The following CUBN variants were observed in gnomAD, a reference collection of about 807,000 sequenced individuals.
CUBN encodes the protein cubilin.
Under a neutral mutation model 405.3 loss-of-function variants are expected in CUBN, and 282 were observed. The observed-to-expected ratio is 0.70, with a 90% CI of 0.63 to 0.77. The LOEUF is 0.77. Among genes scored for constraint, CUBN ranks in the 30% least tolerant of loss-of-function variants. The pLI is 0.00. For synonymous variants in CUBN, 1,684 were observed against 1,617.0 expected (o/e 1.04, Z -0.99); for missense variants, 4,514 against 4,475.2 (o/e 1.01, Z -0.25).
chr10:17,109,844 C>A, intron 9 of CUBN, 109 bp from the exon 10 acceptor site: 1 of 792,602 alleles, frequency 1.3e-6, no homozygotes, highest in South Asian at 1.4e-5. Flanking sequence ...GATCCTCTAT[C>A]ATCGAAACAA....
chr10:17,111,849 G>C (rs529712397), intron 8 of CUBN, among the ~76,000 whole-genome samples: 1 of 152,208 alleles, frequency 6.6e-6, no homozygotes, highest in Non-Finnish European at 1.5e-5. Context: ...CCTCAAACCC[G>C]GGAGGTGGAG....
chr10:16,874,097 C>T (rs1420364200), intron 58 of CUBN, among the ~76,000 whole-genome samples: 2 of 152,180 alleles, frequency 1.3e-5, no homozygotes, highest in African/African-American at 4.8e-5. Flanking sequence ...TATACCTTGA[C>T]AATCCATGTT....
At chr10:17,098,472 AT>A (rs1356578175) in intron 14 of CUBN, among the ~76,000 whole-genome samples, 1 of 152,242 alleles carries the variant, frequency 6.6e-6, no homozygotes, top group African/African-American at 2.4e-5. Context: ...CTAACATCAT[AT>A]TCAACAATGA....
At chr10:16,831,086 CA>C (rs971747478) in intron 65 of CUBN, among the ~76,000 whole-genome samples, 165 bp downstream of exon 65, 122 of 141,264 alleles carry the variant, frequency 8.6e-4, no homozygotes, top group Middle Eastern at 3.5e-3. Context: ...GATTCCATTT[CA>C]AAAAAAAAAA....
chr10:16,869,722 C>G lies in CUBN; in HGVS notation c.9368G>C (p.Ser3123Thr). Residue 3123 changes from serine to threonine, a missense_variant, in exon 59 of 67, where the codon AGC becomes ACC. Physicochemically the swap from Ser to Thr is moderately conservative, Grantham distance 58. This residue lies in a region of CUBN where 1,186 missense variants were observed against 1,186.9 expected (regional missense o/e 1.00). Transcript: ENST00000377833. ...CGSKRPPNVK[S>T]SNNSMLLVFK... ...CACCAGGAGCATACTATTATTGCTG[C>G]TCTTCACATTTGGTGGGCGCTTGGA... The G allele has an allele frequency of 2.5e-6, 4 of 1,614,106 alleles. No individual in the cohort carries two copies. The highest frequency in any genetic ancestry group is 3.4e-6 in the Non-Finnish European group (4 of 1,179,980).
chr10:16,927,930 G>A (rs992547921), intron 41 of CUBN, among the ~76,000 whole-genome samples: 23 of 152,160 alleles, frequency 1.5e-4, no homozygotes, highest in African/African-American at 4.8e-4. Flanking sequence ...TGCCACACCA[G>A]AGACCTGAAG....
Position 17,054,629 on chromosome 10 carries a change from G to A in CUBN, c.3140-7026C>T, listed in dbSNP as rs115952665. 6.6e-3 allele frequency among the ~76,000 whole-genome samples: 997 copies of A among 152,012 alleles called. 11 individuals carry two copies. Among genetic ancestry groups the A allele is most frequent in the African/African-American group, 0.023 (956 of 41,520 alleles). ...ACAAATTACCATTTTCAGGAATGAA[G>A]AGGGGATGTCACTATAGAATCTTCA... On this transcript the variant is annotated intron_variant, in intron 22 of 66. Transcript: ENST00000377833.
At chr10:16,993,310 C>G (rs1833645420) in intron 28 of CUBN, among the ~76,000 whole-genome samples, 1 of 152,196 alleles carries the variant, frequency 6.6e-6, no homozygotes, top group Non-Finnish European at 1.5e-5. Flanking sequence ...CGTTCATCAG[C>G]CAATCTGATT....
chr10:16,868,268 A>G (rs1048300650), intron 59 of CUBN, among the ~76,000 whole-genome samples: 15 of 152,216 alleles, frequency 9.9e-5, no homozygotes, highest in Non-Finnish European at 2.1e-4. Context: ...CCTTCAAAAC[A>G]CAATGTCTAA....
At chr10:17,119,645 C>G (rs1836990042) in intron 6 of CUBN, among the ~76,000 whole-genome samples, 1 of 152,042 alleles carries the variant, frequency 6.6e-6, no homozygotes, top group Admixed American at 6.6e-5. Context: ...GACTCTGTCT[C>G]AAAAACAAAC....
At chr10:16,924,305 T>C (rs1258579532) in intron 43 of CUBN, among the ~76,000 whole-genome samples, 1 of 152,126 alleles carries the variant, frequency 6.6e-6, no homozygotes, top group Non-Finnish European at 1.5e-5. Context: ...CCCACAGAGC[T>C]GCATTAAAGC....
At chr10:17,067,206 C>A (rs1835629399) in intron 21 of CUBN, among the ~76,000 whole-genome samples, 1 of 151,908 alleles carries the variant, frequency 6.6e-6, no homozygotes, top group Admixed American at 6.6e-5. Context: ...GGAAACAATC[C>A]AAATGTCTGA....
At chr10:17,063,415 TCA>T in intron 22 of CUBN, among the ~76,000 whole-genome samples, 1 of 152,290 alleles carries the variant, frequency 6.6e-6, no homozygotes, top group Non-Finnish European at 1.5e-5. Flanking sequence ...GTAATGATTA[TCA>T]CACAGGGAAG....
intron 27 of CUBN, among the ~76,000 whole-genome samples, chr10:17,036,482 G>GCC (rs1233049198): frequency 2.0e-5 from 3 of 152,120 alleles, no homozygotes; most frequent in Non-Finnish European, 4.4e-5. Context: ...GTGGGGAGGT[G>GCC]TGAGCCTTCT....
At position 16,839,128 on chromosome 10, in the gene CUBN, A is replaced by G. The variant is rs370801288; in HGVS notation, c.10032+1202T>C. ...ATGGAGTTCTGGTACTGGCACCAAA[A>G]CACCAGAGGTGTTTGTCAAAAATTC... On this transcript the variant is annotated intron_variant, in intron 62 of 66. Transcript: ENST00000377833. Among the ~76,000 whole-genome samples, 10 of 152,276 alleles carry G rather than the reference A, an allele frequency of 6.6e-5. No homozygotes were observed. The East Asian group carries it at 1.7e-3, about 26-fold the overall frequency.
intron 9 of CUBN, among the ~76,000 whole-genome samples, chr10:17,110,338 A>G (rs1164477885): frequency 6.6e-6 from 1 of 152,210 alleles, no homozygotes; most frequent in Admixed American, 6.5e-5. Context: ...TAAGTCTGTG[A>G]TCCACTCAGA....
chr10:16,919,514 CTG>C (rs1440420893), intron 44 of CUBN, among the ~76,000 whole-genome samples: 1 of 152,188 alleles, frequency 6.6e-6, no homozygotes, highest in African/African-American at 2.4e-5. Flanking sequence ...TAAATAAAGA[CTG>C]AGAAATTATA....
intron 26 of CUBN, among the ~76,000 whole-genome samples, chr10:17,043,025 T>A (rs943600839): frequency 1.3e-5 from 2 of 152,094 alleles, no homozygotes; most frequent in Admixed American, 6.6e-5. Flanking sequence ...AATAACAAAT[T>A]CAAGAAAATA....
chr10:16,920,706 T>TA (rs1842009542), intron 43 of CUBN, among the ~76,000 whole-genome samples: 1 of 152,174 alleles, frequency 6.6e-6, no homozygotes, highest in South Asian at 2.1e-4. Flanking sequence ...ATTTCTTTTC[T>TA]AAAAAACCAA....
Sources: gnomAD v4.1 joint callset for allele counts (sites outside exome capture counted in the v4.1 genomes callset) on GRCh38, gnomAD v4.1.1 for gene constraint, gnomAD v4.1.1 regional missense constraint, MANE v1.5 for transcripts, NCBI Gene and HGNC (gene_info 2026-07-23, HGNC 2026-07-21) for gene names.